The following SLC22A25 variants were observed in gnomAD, a reference collection of about 807,000 sequenced individuals.
SLC22A25 encodes solute carrier family 22 member 25, also known as MGI:2442751, MGI:2385316, MGI:3042283, MGI:3645714, MGI:3605624, MGI:2442750.
SLC22A25 carries 44 observed loss-of-function variants against 45.9 expected under a neutral mutation model. The observed-to-expected ratio is 0.96, with a 90% CI of 0.75 to 1.23. The LOEUF (loss-of-function observed/expected upper bound fraction) is 1.23. SLC22A25 is among the 50% of genes most tolerant of loss of function. The pLI, the probability that SLC22A25 is intolerant of heterozygous loss-of-function variation, is 0.00. For synonymous variants in SLC22A25, 283 were observed against 238.6 expected (o/e 1.19, Z -1.72); for missense variants, 800 against 666.4 (o/e 1.20, Z -2.21).
chr11:63,176,318 AT>A (rs1185872126), intron 9 of SLC22A25, among the ~76,000 whole-genome samples: 1 of 152,058 alleles, frequency 6.6e-6, no homozygotes, highest in Non-Finnish European at 1.5e-5. Context: ...TAGCATGAAC[AT>A]TTAATAATAT....
chr11:63,187,202 T>G (rs558720531), intron 7 of SLC22A25, among the ~76,000 whole-genome samples: 20 of 152,090 alleles, frequency 1.3e-4, no homozygotes, highest in East Asian at 9.7e-4. Flanking sequence ...CCATTTGTTT[T>G]TATCCTGTTT....
rs1258741959 is a variant in SLC22A25 at position 63,219,179 on chromosome 11, C to CT, written c.507-1445dup. On this transcript the variant is annotated intron_variant, in intron 5 of 11. Transcript: ENST00000306494. The stretch of plus-strand genomic sequence containing the variant: ...ATAAATTTAATGGAAAAATGCATGA[C>CT]TTTTTTCTATAAACCATAAAATATT... Among the ~76,000 whole-genome samples, 3 of 152,132 alleles carry CT rather than the reference C, an allele frequency of 2.0e-5. No individual in the cohort carries two copies. The East Asian group carries it at 5.8e-4, about 29-fold the overall frequency.
chr11:63,195,367 C>T (rs1203009558), intron 7 of SLC22A25, among the ~76,000 whole-genome samples: 3 of 152,098 alleles, frequency 2.0e-5, no homozygotes, highest in Non-Finnish European at 4.4e-5. Flanking sequence ...AAGCTCTCCT[C>T]AGCAAATGTA....
chr11:63,196,408 C>T (rs191968827), intron 7 of SLC22A25, among the ~76,000 whole-genome samples: 130 of 152,224 alleles, frequency 8.5e-4, no homozygotes, highest in African/African-American at 2.8e-3. Flanking sequence ...TTATCTGCCA[C>T]GATCAAGTTG....
chr11:63,240,311 T>C (rs77646115), intron 1 of SLC22A25, among the ~76,000 whole-genome samples: 5,527 of 152,184 alleles, frequency 0.036, 342 homozygotes, highest in African/African-American at 0.13. Context: ...GAAGGCACTT[T>C]TGGGGATCTG....
rs1442817731 is a variant in SLC22A25 at position 63,163,655 on chromosome 11, C to T, written c.*169G>A. 39 of 987,110 alleles carry T rather than the reference C, an allele frequency of 4.0e-5. No individual in the cohort carries two copies. Among genetic ancestry groups the T allele is most frequent in the Middle Eastern group, 6.9e-4 (2 of 2,912 alleles). 61.1% of individuals were successfully genotyped at this position (987,110 alleles called of 1,614,324 possible). On this transcript the variant is annotated 3_prime_UTR_variant, in exon 12 of 12. Coordinates refer to ENST00000306494, the MANE Select transcript of SLC22A25 (RefSeq NM_199352.6). ...AAATTAACCTCCTGGACAGGCTGGGCAGAGATGGTCTGTGTGATCTAGTGA... is the reference window on the plus strand; with the variant it reads ...AAATTAACCTCCTGGACAGGCTGGGTAGAGATGGTCTGTGTGATCTAGTGA...
At chr11:63,195,522 T>G (rs1024841849) in intron 7 of SLC22A25, among the ~76,000 whole-genome samples, 1 of 151,844 alleles carries the variant, frequency 6.6e-6, no homozygotes, top group Admixed American at 6.6e-5. Context: ...CATAACAAAA[T>G]GAAGGCAGAA....
chr11:63,186,317 T>C lies in SLC22A25; in HGVS notation c.831-2500A>G, dbSNP rs183726026. ...CAGTGATTATGAGCATTTTTTCCTG[T>C]GTCTTTTGGCTGCATAAATGTCTTC... On this transcript the variant is annotated intron_variant, in intron 7 of 11. Transcript: ENST00000306494. Among the ~76,000 whole-genome samples, 9 of 151,604 alleles carry C rather than the reference T, an allele frequency of 5.9e-5. No homozygotes were observed. In the East Asian group the frequency reaches 1.7e-3, roughly 29 times the overall value.
intron 7 of SLC22A25, among the ~76,000 whole-genome samples, chr11:63,190,480 C>T (rs1327727671): frequency 6.6e-6 from 1 of 152,102 alleles, no homozygotes; most frequent in Non-Finnish European, 1.5e-5. Flanking sequence ...ACTTCTTTGC[C>T]ATGAGTTCGA....
intron 9 of SLC22A25, among the ~76,000 whole-genome samples, chr11:63,177,168 T>C (rs569237538): frequency 6.6e-6 from 1 of 152,210 alleles, no homozygotes; most frequent in Admixed American, 6.6e-5. Context: ...TTCAAAATTC[T>C]TTTCTTTTGA....
At chr11:63,234,685 G>A (rs2090132073) in intron 3 of SLC22A25, among the ~76,000 whole-genome samples, 1 of 152,170 alleles carries the variant, frequency 6.6e-6, no homozygotes, top group African/African-American at 2.4e-5. Flanking sequence ...TCATTATGAT[G>A]TTAGCTGGTT....
intron 7 of SLC22A25, among the ~76,000 whole-genome samples, chr11:63,191,329 C>A (rs767060728): frequency 6.6e-6 from 1 of 152,220 alleles, no homozygotes; most frequent in Non-Finnish European, 1.5e-5. Flanking sequence ...GCTCTGTGGG[C>A]ATAGGACCTT....
At chr11:63,186,353 T>G (rs1278776294) in intron 7 of SLC22A25, among the ~76,000 whole-genome samples, 2 of 151,606 alleles carry the variant, frequency 1.3e-5, no homozygotes, top group Non-Finnish European at 2.9e-5. Context: ...TTTTGAGAAG[T>G]GTCTGTTCAT....
intron 1 of SLC22A25, among the ~76,000 whole-genome samples, chr11:63,240,918 C>A (rs1442174834): frequency 2.0e-5 from 3 of 152,162 alleles, no homozygotes; most frequent in Non-Finnish European, 4.4e-5. Flanking sequence ...TTTACTCATT[C>A]CAAACAAGCC....
At chr11:63,186,956 T>G (rs1199934422) in intron 7 of SLC22A25, among the ~76,000 whole-genome samples, 1 of 152,194 alleles carries the variant, frequency 6.6e-6, no homozygotes, top group Non-Finnish European at 1.5e-5. Flanking sequence ...AGCCTTGTAG[T>G]AGAGTTTGAA....
Position 63,163,798 on chromosome 11 carries a change from G to A in SLC22A25, c.*26C>T, listed in dbSNP as rs748090731. The A allele has an allele frequency of 1.3e-6, 2 of 1,584,808 alleles. No individual in the cohort carries two copies. The highest frequency in any genetic ancestry group is 1.2e-5 in the South Asian group (1 of 86,376). ...TTTTTGGGGGATGGTAGCCCTAAAT[G>A]GTGTTTTGCTTTCCTCAGCACAGAC... On this transcript the variant is annotated 3_prime_UTR_variant, in exon 12 of 12. Transcript: ENST00000306494.
Position 63,206,868 on chromosome 11 carries a change from T to C in SLC22A25, c.830+10446A>G, listed in dbSNP as rs543596314. The stretch of plus-strand genomic sequence containing the variant: ...ACAAAGCTGGAGGCATCATGTTACC[T>C]GACTTCAAACTACATTACAAGGCTA... On this transcript the variant is annotated intron_variant, in intron 7 of 11. Transcript: ENST00000306494. Among the ~76,000 whole-genome samples, 6 of 152,338 alleles carry C rather than the reference T, an allele frequency of 3.9e-5. No individual in the cohort carries two copies. The East Asian group carries it at 9.6e-4, about 24-fold the overall frequency.
chr11:63,183,856 C>T (rs1279051668), intron 7 of SLC22A25, 39 bp from the exon 8 acceptor site: 1 of 1,610,826 alleles, frequency 6.2e-7, no homozygotes, highest in East Asian at 2.2e-5. Flanking sequence ...CCAACCACTA[C>T]TTACTCATTT....
intron 5 of SLC22A25, among the ~76,000 whole-genome samples, chr11:63,218,741 A>G (rs2089782789): frequency 6.6e-6 from 1 of 152,204 alleles, no homozygotes; most frequent in Non-Finnish European, 1.5e-5. Flanking sequence ...GGAGGGTTAA[A>G]AAAATAAAAA....
Sources: gnomAD v4.1 joint callset for allele counts (sites outside exome capture counted in the v4.1 genomes callset) on GRCh38, gnomAD v4.1.1 for gene constraint, MANE v1.5 for transcripts, NCBI Gene and HGNC (gene_info 2026-07-23, HGNC 2026-07-21) for gene names.